Variants in TLL1 observed in about 807,000 individuals in gnomAD.
TLL1 encodes tolloid like 1, also known as tolloid-like protein 1.
TLL1 carries 49 observed loss-of-function variants against 128.2 expected under a neutral mutation model. The observed-to-expected ratio is 0.38, with a 90% confidence interval of 0.30 to 0.48. The LOEUF is 0.48. Ranked by LOEUF, TLL1 falls within the 20% of genes least tolerant of loss-of-function variation. The pLI is 0.96. For missense variants in TLL1, 1,123 were observed against 1,242.0 expected, an observed-to-expected ratio of 0.90 and a Z score of 1.44; for synonymous variants, 454 against 418.8, an observed-to-expected ratio of 1.08 and a Z score of -1.03.
At chr4:165,876,884 G>A (rs922143) in intron 1 of TLL1, among the ~76,000 whole-genome samples, 1,918 of 152,270 alleles carry the variant, frequency 0.013, 23 homozygotes, top group African/African-American at 0.043. Flanking sequence ...TAGGTGAAGC[G>A]AAGATCATAG....
intron 9 of TLL1, among the ~76,000 whole-genome samples, chr4:166,025,956 G>GT: frequency 6.6e-6 from 1 of 151,920 alleles, no homozygotes; most frequent in Middle Eastern, 3.4e-3. Context: ...ATATGAAGAG[G>GT]TTAGAAAAAG....
At chr4:166,016,481 C>T (rs532462908) in intron 8 of TLL1, among the ~76,000 whole-genome samples, 2 of 152,014 alleles carry the variant, frequency 1.3e-5, no homozygotes, top group African/African-American at 2.4e-5. Flanking sequence ...AAAAAACTAA[C>T]CTTATGATAT....
chr4:165,947,171 C>A (rs1165657339), intron 1 of TLL1, among the ~76,000 whole-genome samples: 1 of 152,070 alleles, frequency 6.6e-6, no homozygotes, highest in Non-Finnish European at 1.5e-5. Context: ...TGGCCATCAT[C>A]TTACTGTGTA....
chr4:166,035,777 A>G (rs150846272), intron 9 of TLL1, among the ~76,000 whole-genome samples: 58 of 152,250 alleles, frequency 3.8e-4, no homozygotes, highest in African/African-American at 1.1e-3. Context: ...ACAAATACTG[A>G]TTTCTAACAT....
At chr4:166,088,543 G>A (rs1741623024) in intron 18 of TLL1, among the ~76,000 whole-genome samples, 1 of 152,006 alleles carries the variant, frequency 6.6e-6, no homozygotes, top group African/African-American at 2.4e-5. Flanking sequence ...GTGTGGTGGA[G>A]CTTTTAGTTC....
Position 165,994,381 on chromosome 4 carries a change from G to A in TLL1, c.362G>A (p.Gly121Asp). 6.2e-7 allele frequency: 1 copy of A among 1,613,908 alleles called. No homozygotes were observed. Among genetic ancestry groups the A allele is most frequent in the East Asian group, 2.2e-5 (1 of 44,848 alleles). ...CAGAATGTTTTAAATGTCACTGCAGGCTTGGAGCAAAACAACACAGTTAAG... is the reference window on the plus strand; with the variant it reads ...CAGAATGTTTTAAATGTCACTGCAGACTTGGAGCAAAACAACACAGTTAAG... ...LIDRIRRIGF[G>D]LEQNNTVKGK... The change falls in exon 4 of 21, where the codon GGC becomes GAC. Residue 121 changes from glycine to aspartate, a missense_variant and splice_region_variant. This residue lies in a region of TLL1 where 480 missense variants were observed against 542.4 expected (regional missense o/e 0.89). Transcript: ENST00000061240.
intron 1 of TLL1, among the ~76,000 whole-genome samples, chr4:165,970,669 AATT>A (rs1374364658): frequency 6.6e-6 from 1 of 152,146 alleles, no homozygotes; most frequent in Non-Finnish European, 1.5e-5. Context: ...TAAATAAATA[AATT>A]ATTATTTAGT....
At chr4:166,033,681 A>C (rs1010756231) in intron 9 of TLL1, among the ~76,000 whole-genome samples, 1 of 152,212 alleles carries the variant, frequency 6.6e-6, no homozygotes, top group Non-Finnish European at 1.5e-5. Flanking sequence ...TAAGGGTTTC[A>C]GTTCACATGC....
intron 1 of TLL1, among the ~76,000 whole-genome samples, chr4:165,985,298 C>T (rs1477248359): frequency 6.6e-6 from 1 of 151,962 alleles, no homozygotes; most frequent in Non-Finnish European, 1.5e-5. Flanking sequence ...CCTAAAGAGA[C>T]TCAATTTTCT....
intron 1 of TLL1, among the ~76,000 whole-genome samples, chr4:165,970,383 CAG>C (rs1295122653): frequency 6.6e-6 from 1 of 152,088 alleles, no homozygotes; most frequent in Non-Finnish European, 1.5e-5. Context: ...TCTACCACAA[CAG>C]AGTGTTTAAC....
At chr4:165,983,540 C>T (rs1434960389) in intron 1 of TLL1, among the ~76,000 whole-genome samples, 1 of 151,726 alleles carries the variant, frequency 6.6e-6, no homozygotes, top group East Asian at 1.9e-4. Context: ...AGTCCTTGTA[C>T]TAACAGAATG....
At chr4:165,992,740 T>C in intron 2 of TLL1, 64 bp from the exon 3 acceptor site, 1 of 1,430,002 alleles carries the variant, frequency 7.0e-7, no homozygotes, top group Non-Finnish European at 9.9e-7. Context: ...TGCCTATGAC[T>C]GTTTTTTATT....
intron 19 of TLL1, among the ~76,000 whole-genome samples, chr4:166,098,334 CA>C (rs3047106): frequency 1.8e-4 from 20 of 110,384 alleles, no homozygotes; most frequent in Admixed American, 4.9e-4. Context: ...GAGTTCTTCT[CA>C]AAAAAAAAAA....
chr4:166,044,434 G>A, intron 12 of TLL1: 1 of 1,535,288 alleles, frequency 6.5e-7, no homozygotes, highest in Non-Finnish European at 8.7e-7. Context: ...CTGGAAGCCT[G>A]TAAATTCTAT....
At chr4:166,024,471 T>C (rs1301899938) in intron 8 of TLL1, among the ~76,000 whole-genome samples, 1 of 152,136 alleles carries the variant, frequency 6.6e-6, no homozygotes, top group African/African-American at 2.4e-5. Context: ...CTGGCTGCAG[T>C]GGAGGAATTA....
chr4:166,090,637 C>G (rs1055686045), intron 18 of TLL1, among the ~76,000 whole-genome samples: 8 of 151,858 alleles, frequency 5.3e-5, no homozygotes, highest in African/African-American at 1.9e-4. Context: ...AAATTATTCT[C>G]CTTTCATTTA....
chr4:165,923,995 C>A lies in TLL1; in HGVS notation c.169+49922C>A, dbSNP rs572263504. Among the ~76,000 whole-genome samples the A allele has an allele frequency of 2.0e-5, 3 of 152,182 alleles. No homozygotes were observed. The East Asian group carries it at 5.8e-4, about 29-fold the overall frequency. ...TTGTTTTGGAGCACCATGAACCATGCCCATATAAGACAGAGAACTTTATCA... is the reference window on the plus strand; with the variant it reads ...TTGTTTTGGAGCACCATGAACCATGACCATATAAGACAGAGAACTTTATCA... On this transcript the variant is annotated intron_variant, in intron 1 of 20. Transcript: ENST00000061240.
chr4:165,885,485 G>T (rs1445150785), intron 1 of TLL1, among the ~76,000 whole-genome samples: 1 of 151,996 alleles, frequency 6.6e-6, no homozygotes, highest in Non-Finnish European at 1.5e-5. Flanking sequence ...CATAGGCCCT[G>T]AAGTAGGCCA....
At chr4:165,999,269 C>T (rs1258927776) in intron 5 of TLL1, among the ~76,000 whole-genome samples, 2 of 152,134 alleles carry the variant, frequency 1.3e-5, no homozygotes, top group Non-Finnish European at 1.5e-5. Flanking sequence ...TGTTTTCACA[C>T]TGCTATAAAG....
Sources: gnomAD v4.1 joint callset for allele counts (sites outside exome capture counted in the v4.1 genomes callset) on GRCh38, gnomAD v4.1.1 for gene constraint, gnomAD v4.1.1 regional missense constraint, MANE v1.5 for transcripts, NCBI Gene and HGNC (gene_info 2026-07-23, HGNC 2026-07-21) for gene names.